The following FOXM1 variants were observed in gnomAD, a reference collection of about 807,000 sequenced individuals.
FOXM1 encodes the protein forkhead box protein M1.
FOXM1 carries 25 observed loss-of-function variants against 63.6 expected under a neutral mutation model. The observed-to-expected ratio is 0.39, with a 90% CI of 0.29 to 0.55. The LOEUF (loss-of-function observed/expected upper bound fraction) is 0.55, where lower values mean the gene tolerates loss of function less well. Among genes scored for constraint, FOXM1 ranks in the 20% least tolerant of loss-of-function variants. The probability of loss-of-function intolerance (pLI) is 0.60; values close to 1 mark genes in which losing one functional copy is unlikely to be tolerated. For synonymous variants in FOXM1, 387 were observed against 376.9 expected (o/e 1.03, Z -0.31); for missense variants, 879 against 958.7 (o/e 0.92, Z 1.10).
chr12:2,858,306 G>C lies in FOXM1; in HGVS notation c.*332C>G, dbSNP rs761151927. On this transcript the variant is annotated 3_prime_UTR_variant, in exon 9 of 9. Coordinates refer to ENST00000359843, the MANE Select transcript of FOXM1 (RefSeq NM_021953.4). ...TTTGGAGAATTTATACTATTTACAC[G>C]GACCACCCTGCAAAGATCAGGGAAG... is the stretch of plus-strand genomic sequence containing the variant. The C allele has an allele frequency of 3.7e-6, 1 of 270,132 alleles. No homozygotes were observed. Among genetic ancestry groups the C allele is most frequent in the Middle Eastern group, 1.2e-3 (1 of 846 alleles). 16.7% of individuals were successfully genotyped at this position (270,132 alleles called of 1,614,324 possible). A position where few individuals can be genotyped will look rare whatever the true frequency, so the allele number is the denominator to read the frequency against.
At chr12:2,861,241 C>A in intron 8 of FOXM1, 1 of 680,774 alleles carries the variant, frequency 1.5e-6, no homozygotes, top group South Asian at 1.7e-5. Flanking sequence ...CATAAATAAC[C>A]AATTCATAGA....
chr12:2,872,095 C>G lies in FOXM1; in HGVS notation c.654+1G>C. The G allele has an allele frequency of 6.2e-7, 1 of 1,614,192 alleles. No homozygotes were observed. Among genetic ancestry groups the G allele is most frequent in the African/African-American group, 1.3e-5 (1 of 75,058 alleles). On this transcript the variant is annotated splice_donor_variant, in intron 3 of 8. Transcript: ENST00000359843. LOFTEE classifies it high-confidence loss of function. This position sits in a 1 kb window ranked among gnomAD's most constrained non-coding sequence, Gnocchi z 4.0. ...CTTTAGTGAGGGACGGAACAATTCACCTTAACCTGTCGCTGCTCCAGGTGA... is the reference window on the plus strand; with the variant it reads ...CTTTAGTGAGGGACGGAACAATTCAGCTTAACCTGTCGCTGCTCCAGGTGA...
At chr12:2,870,053 C>T (rs899034477) in intron 3 of FOXM1, among the ~76,000 whole-genome samples, 7 of 150,372 alleles carry the variant, frequency 4.7e-5, no homozygotes, top group Non-Finnish European at 8.8e-5. Flanking sequence ...TGTAATGGCA[C>T]GATCTTGGCT....
At position 2,864,386 on chromosome 12, in the gene FOXM1, G is replaced by A. The variant is rs748143852; in HGVS notation, c.1200C>T (p.Pro400=). The A allele has an allele frequency of 6.2e-7, 1 of 1,614,126 alleles. No individual in the cohort carries two copies. The highest frequency in any genetic ancestry group is 8.5e-7 in the Non-Finnish European group (1 of 1,180,018). Residue 400 remains proline (P), a synonymous_variant, in exon 8 of 9, where the codon CCC becomes CCT. Coordinates refer to ENST00000359843, the MANE Select transcript of FOXM1 (RefSeq NM_021953.4). The surrounding 1 kb of genome is among the most constrained non-coding windows in gnomAD (Gnocchi z 5.1). ...CTGAGCTCATGAGGGAAGCCGCCAG[G>A]GGCAATGGCACCTTCACCGAGGGCT... ...VLQPSVKVPL[P]LAASLMSSEL... is the part of the protein sequence containing the mutation.
At position 2,866,202 on chromosome 12, in the gene FOXM1, CA is replaced by C. The variant is rs778665257; in HGVS notation, c.975+190del. ...GCCTTCTCCTTGCTCTGGTCTGGCACAAAAATGTGTCATTTGGTATTTGTCA... is the reference window on the plus strand; with the variant it reads ...GCCTTCTCCTTGCTCTGGTCTGGCACAAAATGTGTCATTTGGTATTTGTCA... On this transcript the variant is annotated intron_variant, in intron 5 of 8. Transcript: ENST00000359843. Among the ~76,000 whole-genome samples, 19 of 152,278 alleles carry C rather than the reference CA, an allele frequency of 1.2e-4. No homozygotes were observed. In the East Asian group the frequency reaches 2.9e-3, roughly 23 times the overall value.
chr12:2,876,798 A>G (rs10848719), intron 1 of FOXM1, 122 bp downstream of exon 1: 53,283 of 152,246 alleles, frequency 0.35, 10,997 homozygotes, highest in African/African-American at 0.57. Context: ...TTCCCGTGTG[A>G]CCCAAATCTC....
Position 2,858,267 on chromosome 12 carries a change from T to C in FOXM1, c.*371A>G, listed in dbSNP as rs1292727817. The C allele has an allele frequency of 5.4e-6, 1 of 185,834 alleles. No individual in the cohort carries two copies. Among genetic ancestry groups the C allele is most frequent in the African/African-American group, 2.3e-5 (1 of 42,588 alleles). The allele number at this position is 185,834 out of a possible 1,614,324, so 11.5% of individuals were successfully genotyped here. A position where few individuals can be genotyped will look rare whatever the true frequency, so the allele number is the denominator to read the frequency against. ...ATCTAAGGAAATAAGCTTACATTTA[T>C]AATTAGAGGATAATTTGGAGAATTT... On this transcript the variant is annotated 3_prime_UTR_variant, in exon 9 of 9. Coordinates refer to ENST00000359843, the MANE Select transcript of FOXM1 (RefSeq NM_021953.4).
At chr12:2,862,416 G>GA (rs35307618) in intron 8 of FOXM1, among the ~76,000 whole-genome samples, 52,508 of 151,874 alleles carry the variant, frequency 0.35, 9,191 homozygotes, top group East Asian at 0.42. Flanking sequence ...GGAAAGGGGA[G>GA]AAAACCCACT....
chr12:2,874,399 G>A lies in FOXM1; in HGVS notation c.80C>T (p.Thr27Ile), dbSNP rs757710622. The stretch of plus-strand genomic sequence containing the variant: ...GGATCTCTTAGGTTCCTCCTCTGAT[G>A]TTTCACTTGGGGCATTTTGAACAGG... The part of the protein sequence containing the change: ...PLPVQNAPSE[T>I]SEEEPKRSPA... Residue 27 changes from threonine to isoleucine, a missense_variant, in exon 2 of 9, where the codon ACA becomes ATA. Coordinates refer to ENST00000359843, the MANE Select transcript of FOXM1 (RefSeq NM_021953.4). This position sits in a 1 kb window ranked among gnomAD's most constrained non-coding sequence, Gnocchi z 4.3. 1.2e-5 allele frequency: 20 copies of A among 1,613,926 alleles called. No homozygotes were observed. The Admixed American group carries it at 2.7e-4, about 22-fold the overall frequency.
rs567889714 is a variant in FOXM1, at chr12:2,866,636, C to T, written c.847-115G>A. 31 of 1,119,570 alleles carry T rather than the reference C, an allele frequency of 2.8e-5. No individual in the cohort carries two copies. The South Asian group carries it at 4.4e-4, about 16-fold the overall frequency. 69.4% of individuals were successfully genotyped at this position (1,119,570 alleles called of 1,614,324 possible). On this transcript the variant is annotated intron_variant, in intron 4 of 8. Transcript: ENST00000359843. ...CTCCCACTGTGCTCAGCACAGGCTT[C>T]GTCTGGTGTCTTTGCAGCCCTCTTG...
chr12:2,866,261 C>G, intron 5 of FOXM1, 132 bp downstream of exon 5: 2 of 861,754 alleles, frequency 2.3e-6, no homozygotes, highest in Non-Finnish European at 1.6e-6. Context: ...TTGTGCAAGT[C>G]ACTAATTGGG....
At position 2,864,642 on chromosome 12, in the gene FOXM1, A is replaced by G; in HGVS notation, c.1090+41T>C. 1 of 1,607,624 alleles carries G rather than the reference A, an allele frequency of 6.2e-7. No individual in the cohort carries two copies. The highest frequency in any genetic ancestry group is 1.7e-5 in the Admixed American group (1 of 59,996). On this transcript the variant is annotated intron_variant, in intron 7 of 8. Transcript: ENST00000359843. This position sits in a 1 kb window ranked among gnomAD's most constrained non-coding sequence, Gnocchi z 5.1. Reference sequence around the variant, plus strand: ...TCTGGTTCCCTAAAGATATGGCCCCAGAACAAGGACCAGGCCCAAGGCCCA... The same window carrying G: ...TCTGGTTCCCTAAAGATATGGCCCCGGAACAAGGACCAGGCCCAAGGCCCA...
chr12:2,874,590 G>T lies in FOXM1; in HGVS notation c.-47-65C>A. 8.9e-7 allele frequency: 1 copy of T among 1,125,992 alleles called. No homozygotes were observed. The highest frequency in any genetic ancestry group is 1.3e-6 in the Non-Finnish European group (1 of 792,208). 69.8% of individuals were successfully genotyped at this position (1,125,992 alleles called of 1,614,324 possible). On this transcript the variant is annotated intron_variant, in intron 1 of 8. Transcript: ENST00000359843. The surrounding 1 kb of genome is among the most constrained non-coding windows in gnomAD (Gnocchi z 4.3). ...TAGGCTGAGAAGAGGTCCTTTTAGA[G>T]AAAGGTGCTCCTCTTTATATGACCA...
Position 2,862,040 on chromosome 12 carries a change from G to A in FOXM1, c.1266+2280C>T, listed in dbSNP as rs565399937. Among the ~76,000 whole-genome samples, 35 of 152,210 alleles carry A rather than the reference G, an allele frequency of 2.3e-4. No homozygotes were observed. In the South Asian group the frequency reaches 5.2e-3, roughly 23 times the overall value. ...CTAAAAATACAAAAATTAGCTGGGC[G>A]TGGTGACGTGCGCCTGTGATCGCAG... On this transcript the variant is annotated intron_variant, in intron 8 of 8. Transcript: ENST00000359843.
rs1242705533 is a variant in FOXM1, at chr12:2,858,368, G to T, written c.*270C>A. 1 of 441,038 alleles carries T rather than the reference G, an allele frequency of 2.3e-6. No homozygotes were observed. Among genetic ancestry groups the T allele is most frequent in the Admixed American group, 3.7e-5 (1 of 26,682 alleles). The allele number at this position is 441,038 out of a possible 1,614,324, so 27.3% of individuals were successfully genotyped here. ...CTGGGCAGAGAATGGAAACAGGCTG[G>T]GGGGTTCCTAATCTCTTTTCACCAT... On this transcript the variant is annotated 3_prime_UTR_variant, in exon 9 of 9. Coordinates refer to ENST00000359843, the MANE Select transcript of FOXM1 (RefSeq NM_021953.4).
At chr12:2,865,255 A>G (rs1234900318) in intron 6 of FOXM1, 100 bp downstream of exon 6, 4 of 1,106,400 alleles carry the variant, frequency 3.6e-6, no homozygotes, top group Non-Finnish European at 5.3e-6. Context: ...GGCCATAGGG[A>G]CCCTTCCCCA....
In FOXM1 at chr12:2,859,583, C is replaced by T; in HGVS notation, c.1347G>A (p.Gly449=). The change falls in exon 9 of 9, where the codon GGG becomes GGA. Residue 449 remains glycine, a synonymous_variant. Transcript: ENST00000359843. ...GKEEKLLFGE[G]FSPLLPVQTI... ...TCTGAACTGGAAGCAAAGGAGAAAACCCTTCTCCAAACAGGAGTTTCTCCT... is the reference window on the plus strand; with the variant it reads ...TCTGAACTGGAAGCAAAGGAGAAAATCCTTCTCCAAACAGGAGTTTCTCCT... 1 of 1,613,730 alleles carries T rather than the reference C, an allele frequency of 6.2e-7. No homozygotes were observed. Among genetic ancestry groups the T allele is most frequent in the Non-Finnish European group, 8.5e-7 (1 of 1,179,816 alleles).
chr12:2,869,753 T>G (rs1157726639), intron 3 of FOXM1, among the ~76,000 whole-genome samples: 1 of 149,184 alleles, frequency 6.7e-6, no homozygotes, highest in Non-Finnish European at 1.5e-5. Context: ...TTTTTTTTTT[T>G]CGTATTTTTA....
Position 2,859,385 on chromosome 12 carries a change from C to T in FOXM1, c.1545G>A (p.Lys515=). The change falls in exon 9 of 9, where the codon AAG becomes AAA. Residue 515 remains lysine (K), a synonymous_variant. Transcript: ENST00000359843. ...TTGGGGACCTAAGCCCACTGTAGGA[C>T]TTCTTGGGTCTTGGGGTGGGAGATT... ...SSQSPTPRPK[K]SYSGLRSPTR... 6.2e-7 allele frequency: 1 copy of T among 1,613,932 alleles called. No homozygotes were observed. The highest frequency in any genetic ancestry group is 8.5e-7 in the Non-Finnish European group (1 of 1,180,000).
Sources: gnomAD v4.1 joint callset for allele counts (sites outside exome capture counted in the v4.1 genomes callset) on GRCh38, gnomAD v4.1.1 for gene constraint, Gnocchi (gnomAD v3.1) non-coding constraint, MANE v1.5 for transcripts, NCBI Gene and HGNC (gene_info 2026-07-23, HGNC 2026-07-21) for gene names.